Variants in UBE2D3 observed in about 807,000 individuals in gnomAD.
The protein encoded by UBE2D3 is ubiquitin conjugating enzyme E2 D3.
In UBE2D3, 2 loss-of-function variants were observed where a neutral mutation model predicts 22.8. That is an observed-to-expected ratio of 0.09 (90% CI 0.04 to 0.28). UBE2D3 has a LOEUF of 0.28. Ranked by LOEUF, UBE2D3 falls within the 10% of genes least tolerant of loss-of-function variation. UBE2D3 has a pLI of 1.00. For missense variants in UBE2D3, 27 were observed against 182.5 expected (o/e 0.15, Z 4.91); for synonymous variants, 56 against 60.4 (o/e 0.93, Z 0.34).
In UBE2D3 at chr4:102,807,228, T is replaced by C. The variant is rs570956063; in HGVS notation, c.120+2444A>G. Among the ~76,000 whole-genome samples, 40 of 152,352 alleles carry C rather than the reference T, an allele frequency of 2.6e-4. No individual in the cohort carries two copies. In the South Asian group the frequency reaches 5.0e-3, roughly 19 times the overall value. On this transcript the variant is annotated intron_variant, in intron 4 of 7. Coordinates refer to ENST00000453744, the MANE Select transcript of UBE2D3 (RefSeq NM_181891.3). ...CTTTAGGTCACAACTGCTTGCTACA[T>C]AGAGCAACCATACTCACAAAATAAG...
chr4:102,831,317 T>C (rs986347929), upstream of UBE2D3, among the ~76,000 whole-genome samples: 1 of 152,210 alleles, frequency 6.6e-6, no homozygotes, highest in South Asian at 2.1e-4. Context: ...TAAGTCAAAT[T>C]AATATGGTTT....
intron 6 of UBE2D3, 145 bp downstream of exon 6, chr4:102,801,308 TA>T: frequency 1.5e-6 from 1 of 670,428 alleles, no homozygotes; most frequent in Non-Finnish European, 2.4e-6. Flanking sequence ...TCAACACCAC[TA>T]AAAGAACAAA....
At chr4:102,798,279 A>AAAATATATATATATATATATATATATAT (rs1725523227) in intron 7 of UBE2D3, among the ~76,000 whole-genome samples, 1 of 111,860 alleles carries the variant, frequency 8.9e-6, no homozygotes, top group African/African-American at 4.0e-5. Flanking sequence ...TTAAGAAATG[A>AAAATATATATATATATATATATATATAT]ATATATATAT....
At chr4:102,830,875 C>T (rs1220035122), upstream of UBE2D3, among the ~76,000 whole-genome samples, 1 of 152,112 alleles carries the variant, frequency 6.6e-6, no homozygotes, top group East Asian at 1.9e-4. Flanking sequence ...GAGAAAATTA[C>T]TAGTAAATGG....
intron 1 of UBE2D3, among the ~76,000 whole-genome samples, chr4:102,848,474 A>G (rs113433729): frequency 0.012 from 1,835 of 152,148 alleles, 21 homozygotes; most frequent in African/African-American, 0.036. Flanking sequence ...GTGAAACTCT[A>G]TCTCTACTAA....
In UBE2D3 at chr4:102,826,584, G is replaced by A. The variant is rs978825347; in HGVS notation, c.-76C>T. 4.4e-6 allele frequency: 7 copies of A among 1,603,876 alleles called. No homozygotes were observed. The highest frequency in any genetic ancestry group is 2.0e-4 in the Middle Eastern group (1 of 4,940). On this transcript the variant is annotated 5_prime_UTR_variant, in exon 2 of 8. Transcript: ENST00000453744. ...TCCGGCCAAAACTCTTGATTATCCC[G>A]GCGGCGGGGCAGGATTGTCTCGTCT...
At chr4:102,813,934 T>C (rs77242572) in intron 2 of UBE2D3, among the ~76,000 whole-genome samples, 1,847 of 152,258 alleles carry the variant, frequency 0.012, 37 homozygotes, top group African/African-American at 0.042. Flanking sequence ...CAAGGAGAAT[T>C]GTCCTGATAT....
At chr4:102,805,982 T>TC (rs1726973119) in intron 4 of UBE2D3, among the ~76,000 whole-genome samples, 1 of 152,224 alleles carries the variant, frequency 6.6e-6, no homozygotes, top group African/African-American at 2.4e-5. Flanking sequence ...AATTAGCTTC[T>TC]CCTTTATGCC....
At chr4:102,867,671 C>T (rs1053812582) in intron 1 of UBE2D3, among the ~76,000 whole-genome samples, 16 of 152,124 alleles carry the variant, frequency 1.1e-4, no homozygotes, top group African/African-American at 3.9e-4. Context: ...TGGCAGCACA[C>T]GCCTGTAAAC....
At chr4:102,802,300 T>C (rs1205170789) in intron 5 of UBE2D3, 1 of 280,720 alleles carries the variant, frequency 3.6e-6, no homozygotes, top group Non-Finnish European at 6.6e-6. Flanking sequence ...AGAATCTGTG[T>C]AACAATAATA....
chr4:102,810,750 TAAC>T (rs758587007), intron 2 of UBE2D3: 1 of 152,284 alleles, frequency 6.6e-6, no homozygotes, highest in African/African-American at 2.4e-5. Context: ...GACTTGTGCA[TAAC>T]AATATGAATT....
At chr4:102,808,522 TGATTTA>T (rs1252018392) in intron 4 of UBE2D3, among the ~76,000 whole-genome samples, 2 of 151,688 alleles carry the variant, frequency 1.3e-5, no homozygotes, top group African/African-American at 4.9e-5. Flanking sequence ...TGTCTTACTT[TGATTTA>T]GTTTTTCTAC....
intron 1 of UBE2D3, among the ~76,000 whole-genome samples, chr4:102,845,319 A>T (rs1339703739): frequency 6.6e-6 from 1 of 152,192 alleles, no homozygotes; most frequent in Non-Finnish European, 1.5e-5. Context: ...TGATTCCCCC[A>T]ACATATCTGC....
At position 102,801,575 on chromosome 4, in the gene UBE2D3, T is replaced by G. The variant is rs1234188523; in HGVS notation, c.199-16A>C. On this transcript the variant is annotated splice_polypyrimidine_tract_variant and intron_variant, in intron 5 of 7. Transcript: ENST00000453744. The stretch of plus-strand genomic sequence containing the variant: ...TAAATGCAACCTAAAACAAAAACTT[T>G]TAAGTATTTTATTCAAATAAAAACA... The G allele has an allele frequency of 1.3e-6, 2 of 1,559,652 alleles. No individual in the cohort carries two copies. Among genetic ancestry groups the G allele is most frequent in the Non-Finnish European group, 1.7e-6 (2 of 1,144,388 alleles).
chr4:102,797,297 T>G lies in UBE2D3; in HGVS notation c.*118A>C. 1 of 840,560 alleles carries G rather than the reference T, an allele frequency of 1.2e-6. No homozygotes were observed. The highest frequency in any genetic ancestry group is 2.6e-5 in the East Asian group (1 of 38,284). The allele number at this position is 840,560 out of a possible 1,614,324, so 52.1% of individuals were successfully genotyped here. ...TGAATGGAGGGAGGTAAACAAAAAA[T>G]AAAATTAAAAAAGATGAGGTCTGAT... On this transcript the variant is annotated 3_prime_UTR_variant, in exon 8 of 8. Coordinates refer to ENST00000453744, the MANE Select transcript of UBE2D3 (RefSeq NM_181891.3).
intron 1 of UBE2D3, chr4:102,837,080 C>G (rs1731450960): frequency 6.6e-6 from 1 of 152,126 alleles, no homozygotes; most frequent in African/African-American, 2.4e-5. Context: ...TAGACAGATT[C>G]TAAAAGAGCA....
rs148071876 is a variant in UBE2D3 at position 102,848,099 on chromosome 4, T to C, written c.-129+20616A>G. 3.3e-5 allele frequency among the ~76,000 whole-genome samples: 5 copies of C among 152,318 alleles called. No individual in the cohort carries two copies. In the East Asian group the frequency reaches 9.6e-4, roughly 29 times the overall value. Reference sequence around the variant, plus strand: ...GCATAAACGGGTTAAGTACTTTCTGTTTCGGACCATAAGAAAAGCCAGATG... The same window carrying C: ...GCATAAACGGGTTAAGTACTTTCTGCTTCGGACCATAAGAAAAGCCAGATG... On this transcript the variant is annotated intron_variant, in intron 1 of 7. Transcript: ENST00000338145.
At chr4:102,821,787 ACC>A (rs1353775792) in intron 2 of UBE2D3, among the ~76,000 whole-genome samples, 1 of 152,202 alleles carries the variant, frequency 6.6e-6, no homozygotes, top group African/African-American at 2.4e-5. Flanking sequence ...CCAACTATGT[ACC>A]CACAAAATTT....
chr4:102,837,796 A>C (rs1313837265), intron 1 of UBE2D3, among the ~76,000 whole-genome samples: 1 of 152,094 alleles, frequency 6.6e-6, no homozygotes, highest in Non-Finnish European at 1.5e-5. Context: ...CTAAAAATAC[A>C]AAAAAATTAG....
Sources: gnomAD v4.1 joint callset for allele counts (sites outside exome capture counted in the v4.1 genomes callset) on GRCh38, gnomAD v4.1.1 for gene constraint, MANE v1.5 for transcripts, NCBI Gene and HGNC (gene_info 2026-07-23, HGNC 2026-07-21) for gene names.